Variants in TFAP2E observed in about 807,000 individuals in gnomAD.
The protein encoded by TFAP2E is transcription factor AP-2 epsilon, also known as transcription factor AP-2-epsilon.
A neutral mutation model predicts 37.9 loss-of-function variants in TFAP2E; 30 were observed. The ratio of observed to expected loss-of-function variants is 0.79; its 90% confidence interval spans 0.59 to 1.07. The LOEUF (loss-of-function observed/expected upper bound fraction) is 1.07, where lower values mean the gene tolerates loss of function less well. Among genes scored for constraint, TFAP2E ranks in the 50% least tolerant of loss-of-function variants. TFAP2E has a pLI of 0.00. For synonymous variants in TFAP2E, 318 were observed against 295.8 expected (o/e 1.08, Z -0.77); for missense variants, 567 against 637.9 (o/e 0.89, Z 1.20).
intron 6 of TFAP2E, among the ~76,000 whole-genome samples, 186 bp from the exon 7 acceptor site, chr1:35,594,208 C>A (rs1030946818): frequency 1.3e-5 from 2 of 152,194 alleles, no homozygotes; most frequent in African/African-American, 4.8e-5. Flanking sequence ...TGATACTGGG[C>A]TAGTCAAATG....
chr1:35,573,488 G>T lies in TFAP2E; in HGVS notation c.-90G>T. ...TACCGCACCGTGACCTCCGCGGGCT[G>T]TGCCGGCTCCCGGCGCCTCTGCCCG... On this transcript the variant is annotated 5_prime_UTR_variant, in exon 1 of 7. Transcript: ENST00000373235. The surrounding 1 kb of genome is among the most constrained non-coding windows in gnomAD (Gnocchi z 5.9). The T allele has an allele frequency of 7.2e-7, 1 of 1,390,776 alleles. No homozygotes were observed. The highest frequency in any genetic ancestry group is 1.7e-5 in the South Asian group (1 of 59,844). 86.2% of individuals were successfully genotyped at this position (1,390,776 alleles called of 1,614,324 possible). A position where few individuals can be genotyped will look rare whatever the true frequency, so the allele number is the denominator to read the frequency against.
chr1:35,590,570 G>T lies in TFAP2E; in HGVS notation c.905-64G>T. On this transcript the variant is annotated intron_variant, in intron 5 of 6. Transcript: ENST00000373235. The surrounding 1 kb of genome is among the most constrained non-coding windows in gnomAD (Gnocchi z 6.2). ...GATACCCCTGACCAGGGGGTCAGAG[G>T]TTCAAAGCTGTGTTCCAGGCGCAGA... 1 of 1,408,090 alleles carries T rather than the reference G, an allele frequency of 7.1e-7. No homozygotes were observed. The highest frequency in any genetic ancestry group is 9.3e-7 in the Non-Finnish European group (1 of 1,071,446). 87.2% of individuals were successfully genotyped at this position (1,408,090 alleles called of 1,614,324 possible).
At position 35,590,790 on chromosome 1, in the gene TFAP2E, C is replaced by A; in HGVS notation, c.1046+15C>A. On this transcript the variant is annotated intron_variant, in intron 6 of 6. Coordinates refer to ENST00000373235, the MANE Select transcript of TFAP2E (RefSeq NM_178548.4). This position sits in a 1 kb window ranked among gnomAD's most constrained non-coding sequence, Gnocchi z 6.2. ...CTGGCTGCCAAGTGAGTGAGGGCACCCTGCACAGGCACACGTGGGTGCCAT... is the reference window on the plus strand; with the variant it reads ...CTGGCTGCCAAGTGAGTGAGGGCACACTGCACAGGCACACGTGGGTGCCAT... 5 of 1,412,056 alleles carry A rather than the reference C, an allele frequency of 3.5e-6. No individual in the cohort carries two copies. Among genetic ancestry groups the A allele is most frequent in the South Asian group, 1.7e-5 (1 of 59,814 alleles). 87.5% of individuals were successfully genotyped at this position (1,412,056 alleles called of 1,614,324 possible). A position where few individuals can be genotyped will look rare whatever the true frequency, so the allele number is the denominator to read the frequency against.
In TFAP2E at chr1:35,590,573, CA is replaced by C. The variant is rs1649633543; in HGVS notation, c.905-58del. ...ACCCCTGACCAGGGGGTCAGAGGTTCAAAGCTGTGTTCCAGGCGCAGAGGTA... is the reference window on the plus strand; with the variant it reads ...ACCCCTGACCAGGGGGTCAGAGGTTCAAGCTGTGTTCCAGGCGCAGAGGTA... On this transcript the variant is annotated intron_variant, in intron 5 of 6. Coordinates refer to ENST00000373235, the MANE Select transcript of TFAP2E (RefSeq NM_178548.4). The surrounding 1 kb of genome is among the most constrained non-coding windows in gnomAD (Gnocchi z 6.2). The C allele has an allele frequency of 1.4e-6, 2 of 1,408,508 alleles. No individual in the cohort carries two copies. The highest frequency in any genetic ancestry group is 5.0e-5 in the East Asian group (2 of 40,080). 87.3% of individuals were successfully genotyped at this position (1,408,508 alleles called of 1,614,324 possible).
At position 35,588,189 on chromosome 1, in the gene TFAP2E, A is replaced by T; in HGVS notation, c.563-141A>T. ...GAGTTCAGTCTCTGAGTTCACATCCATCAGTTGAGGGAACTTGGGCGAGTC... is the reference window on the plus strand; with the variant it reads ...GAGTTCAGTCTCTGAGTTCACATCCTTCAGTTGAGGGAACTTGGGCGAGTC... On this transcript the variant is annotated intron_variant, in intron 3 of 6. Transcript: ENST00000373235. This position sits in a 1 kb window ranked among gnomAD's most constrained non-coding sequence, Gnocchi z 5.1. The T allele has an allele frequency of 1.4e-6, 1 of 740,664 alleles. No individual in the cohort carries two copies. The highest frequency in any genetic ancestry group is 2.1e-6 in the Non-Finnish European group (1 of 472,862). The allele number at this position is 740,664 out of a possible 1,614,324, so 45.9% of individuals were successfully genotyped here.
In TFAP2E at chr1:35,590,879, A is replaced by G. The variant is rs1476299260; in HGVS notation, c.1046+104A>G. The G allele has an allele frequency of 8.0e-7, 1 of 1,248,350 alleles. No homozygotes were observed. Among genetic ancestry groups the G allele is most frequent in the East Asian group, 3.0e-5 (1 of 33,586 alleles). The allele number at this position is 1,248,350 out of a possible 1,614,324, so 77.3% of individuals were successfully genotyped here. On this transcript the variant is annotated intron_variant, in intron 6 of 6. Transcript: ENST00000373235. The surrounding 1 kb of genome is among the most constrained non-coding windows in gnomAD (Gnocchi z 6.2). Reference sequence around the variant, plus strand: ...CTGTGTACATGAGCAGTGGGCACACATGCGTATTTGCGCACCACTGTGTAC... The same window carrying G: ...CTGTGTACATGAGCAGTGGGCACACGTGCGTATTTGCGCACCACTGTGTAC...
In TFAP2E at chr1:35,574,236, C is replaced by A. The variant is rs1649098999; in HGVS notation, c.337C>A (p.Pro113Thr). Reference sequence around the variant, plus strand: ...CGCAGCCGCCCGCGCCCACGAGGAGCCTCCCGGCCTGCTGGCACCGCCCGC... The same window carrying A: ...CGCAGCCGCCCGCGCCCACGAGGAGACTCCCGGCCTGCTGGCACCGCCCGC... ...PRAAARAHEE[P>T]PGLLAPPARA... The change falls in exon 2 of 7, where the codon CCT (proline) becomes ACT (threonine). Residue 113 changes from proline (P) to threonine (T), a missense_variant. Pro to Thr is a conservative substitution (Grantham distance 38). Transcript: ENST00000373235. 3.2e-6 allele frequency: 4 copies of A among 1,256,824 alleles called. No homozygotes were observed. Among genetic ancestry groups the A allele is most frequent in the Non-Finnish European group, 4.0e-6 (4 of 997,176 alleles). 77.9% of individuals were successfully genotyped at this position (1,256,824 alleles called of 1,614,324 possible).
At chr1:35,594,321 C>A (rs1649766753) in intron 6 of TFAP2E, 73 bp from the exon 7 acceptor site, 1 of 1,554,046 alleles carries the variant, frequency 6.4e-7, no homozygotes, top group Admixed American at 2.0e-5. Context: ...CTGTAAAATG[C>A]CTAGCATGTA....
chr1:35,588,660 TCTCC>T lies in TFAP2E; in HGVS notation c.785+111_785+114del, dbSNP rs969480179. On this transcript the variant is annotated intron_variant, in intron 4 of 6. Transcript: ENST00000373235. This position sits in a 1 kb window ranked among gnomAD's most constrained non-coding sequence, Gnocchi z 5.1. ...GTCTCACCTAGGCCCTCTGCCTCAG[TCTCC>T]CTGGGAGGGGAGGCCCCGGGGACTC... 1.7e-6 allele frequency: 2 copies of T among 1,205,038 alleles called. No homozygotes were observed. The highest frequency in any genetic ancestry group is 3.0e-5 in the African/African-American group (2 of 65,784). 74.6% of individuals were successfully genotyped at this position (1,205,038 alleles called of 1,614,324 possible).
intron 6 of TFAP2E, among the ~76,000 whole-genome samples, chr1:35,593,193 T>C (rs976523250): frequency 1.3e-5 from 2 of 151,800 alleles, no homozygotes; most frequent in South Asian, 2.1e-4. Context: ...AAAAAAAAAT[T>C]AGCCAGGAGT....
intron 4 of TFAP2E, among the ~76,000 whole-genome samples, 198 bp from the exon 5 acceptor site, chr1:35,589,732 C>T (rs1649597120): frequency 6.6e-6 from 1 of 152,044 alleles, no homozygotes. Context: ...GTGCTGGCCC[C>T]CCTGCCTCTG....
Position 35,574,203 on chromosome 1 carries a change from G to C in TFAP2E, c.304G>C (p.Ala102Pro). 7.9e-7 allele frequency: 1 copy of C among 1,261,852 alleles called. No homozygotes were observed. Among genetic ancestry groups the C allele is most frequent in the South Asian group, 1.9e-5 (1 of 53,308 alleles). The allele number at this position is 1,261,852 out of a possible 1,614,324, so 78.2% of individuals were successfully genotyped here. A position where few individuals can be genotyped will look rare whatever the true frequency, so the allele number is the denominator to read the frequency against. The change falls in exon 2 of 7, where the codon GCG (alanine) becomes CCG (proline). Residue 102 changes from alanine (A) to proline (P), a missense_variant. Transcript: ENST00000373235. ...GCAGCCTCCTCAGGCCGCCTGGGCC[G>C]CGCCCCGCGCAGCCGCCCGCGCCCA... ...QPQPPQAAWA[A>P]PRAAARAHEE...
chr1:35,589,691 T>C (rs1649596151), intron 4 of TFAP2E, among the ~76,000 whole-genome samples: 1 of 151,966 alleles, frequency 6.6e-6, no homozygotes, highest in Non-Finnish European at 1.5e-5. Context: ...GTTGAGAGGA[T>C]TAGAGTGAAC....
chr1:35,581,402 G>A (rs1351634068), intron 3 of TFAP2E, among the ~76,000 whole-genome samples: 4 of 151,992 alleles, frequency 2.6e-5, no homozygotes, highest in Non-Finnish European at 4.4e-5. Context: ...TATTTTTAGC[G>A]CTTTTGAGTA....
chr1:35,586,864 T>G (rs1649495525), intron 3 of TFAP2E, among the ~76,000 whole-genome samples: 5 of 152,226 alleles, frequency 3.3e-5, no homozygotes, highest in Admixed American at 6.5e-5. Flanking sequence ...GGCACCATTC[T>G]TGGCATGAAA....
At chr1:35,578,727 G>A (rs571556736) in intron 3 of TFAP2E, among the ~76,000 whole-genome samples, 50 of 152,162 alleles carry the variant, frequency 3.3e-4, no homozygotes, top group Non-Finnish European at 6.8e-4. Flanking sequence ...TAAGCAGCCA[G>A]GACATGGGTG....
Position 35,574,990 on chromosome 1 carries a change from G to T in TFAP2E, c.552G>T (p.Val184=). 6.2e-7 allele frequency: 1 copy of T among 1,613,996 alleles called. No individual in the cohort carries two copies. The highest frequency in any genetic ancestry group is 8.5e-7 in the Non-Finnish European group (1 of 1,180,002). The change falls in exon 3 of 7, where the codon GTG becomes GTT. Residue 184 remains valine (V), a synonymous_variant. Transcript: ENST00000373235. ...EPGMSLLDQS[V]IKKVPIPSKA... ...GAATGAGCCTCCTAGACCAGTCCGTGATCAAGAAAGGTAAGGAATGGTCTG... is the reference window on the plus strand; with the variant it reads ...GAATGAGCCTCCTAGACCAGTCCGTTATCAAGAAAGGTAAGGAATGGTCTG...
At chr1:35,574,583 A>G in intron 2 of TFAP2E, 174 bp downstream of exon 2, 1 of 1,172,498 alleles carries the variant, frequency 8.5e-7, no homozygotes, top group Admixed American at 3.0e-5. Flanking sequence ...CTGGCCATCA[A>G]GGCTGCCTGG....
chr1:35,582,417 G>T (rs1649373597), intron 3 of TFAP2E, among the ~76,000 whole-genome samples: 2 of 150,554 alleles, frequency 1.3e-5, no homozygotes, highest in South Asian at 4.2e-4. Context: ...TCAGATATAT[G>T]ATTTGAAAAT....
Sources: gnomAD v4.1 joint callset for allele counts (sites outside exome capture counted in the v4.1 genomes callset) on GRCh38, gnomAD v4.1.1 for gene constraint, Gnocchi (gnomAD v3.1) non-coding constraint, MANE v1.5 for transcripts, NCBI Gene and HGNC (gene_info 2026-07-23, HGNC 2026-07-21) for gene names.